The following RALGPS1 variants were observed in gnomAD, a reference collection of about 807,000 sequenced individuals.
The protein encoded by RALGPS1 is ras-specific guanine nucleotide-releasing factor RalGPS1.
In RALGPS1, 19 loss-of-function variants were observed where a neutral mutation model predicts 78.8. The ratio of observed to expected loss-of-function variants is 0.24; its 90% confidence interval spans 0.17 to 0.35. RALGPS1 has a LOEUF of 0.35. RALGPS1 is among the 10% of genes least tolerant of loss of function. RALGPS1 has a pLI of 1.00. For missense variants in RALGPS1, 454 were observed against 688.3 expected (o/e 0.66, Z 3.81); for synonymous variants, 228 against 256.3 (o/e 0.89, Z 1.06).
chr9:127,121,940 C>T (rs2056140621), intron 8 of RALGPS1, among the ~76,000 whole-genome samples: 1 of 152,236 alleles, frequency 6.6e-6, no homozygotes, highest in South Asian at 2.1e-4. Flanking sequence ...TGGGCCACCC[C>T]TGCCTTCTGC....
intron 8 of RALGPS1, among the ~76,000 whole-genome samples, chr9:127,127,895 C>CT (rs775920048): frequency 6.6e-6 from 1 of 151,816 alleles, no homozygotes; most frequent in African/African-American, 2.4e-5. Context: ...TGTTATTATA[C>CT]TTTAAGTTCT....
chr9:127,027,196 T>C (rs1362440401), intron 4 of RALGPS1, among the ~76,000 whole-genome samples: 1 of 152,232 alleles, frequency 6.6e-6, no homozygotes, highest in African/African-American at 2.4e-5. Context: ...AGGGTAGTAG[T>C]GCCCTCCACT....
At chr9:126,970,315 A>G (rs2039980953) in intron 3 of RALGPS1, among the ~76,000 whole-genome samples, 2 of 152,252 alleles carry the variant, frequency 1.3e-5, no homozygotes, top group African/African-American at 4.8e-5. Context: ...AGGAGAAAGC[A>G]GAATAAGCAC....
At chr9:126,975,737 T>A (rs1177822394) in intron 3 of RALGPS1, among the ~76,000 whole-genome samples, 1 of 152,196 alleles carries the variant, frequency 6.6e-6, no homozygotes, top group African/African-American at 2.4e-5. Flanking sequence ...CAGGGCTTAC[T>A]GGCCACTCAA....
intron 11 of RALGPS1, among the ~76,000 whole-genome samples, chr9:127,181,517 G>A (rs889402569): frequency 1.3e-5 from 2 of 152,234 alleles, no homozygotes; most frequent in African/African-American, 2.4e-5. Context: ...TATAGTGCAA[G>A]TAGGCATTAC....
intron 4 of RALGPS1, among the ~76,000 whole-genome samples, 169 bp from the exon 5 acceptor site, chr9:127,034,262 G>T (rs1461213559): frequency 6.6e-6 from 1 of 152,150 alleles, no homozygotes; most frequent in Non-Finnish European, 1.5e-5. Context: ...GTCCCAGGCT[G>T]CACTGTCACC....
At chr9:127,159,941 TG>T (rs1451223544) in intron 8 of RALGPS1, among the ~76,000 whole-genome samples, 1 of 151,786 alleles carries the variant, frequency 6.6e-6, no homozygotes, top group African/African-American at 2.4e-5. Flanking sequence ...AGAGAGAAAA[TG>T]GAAAGTATAA....
At chr9:127,187,334 T>C (rs1040139342) in intron 11 of RALGPS1, among the ~76,000 whole-genome samples, 2 of 152,174 alleles carry the variant, frequency 1.3e-5, no homozygotes, top group African/African-American at 4.8e-5. Context: ...TCCTTCCTCA[T>C]GTTCTGACCA....
At chr9:127,081,608 T>C (rs901333203) in intron 8 of RALGPS1, among the ~76,000 whole-genome samples, 1 of 152,208 alleles carries the variant, frequency 6.6e-6, no homozygotes, top group African/African-American at 2.4e-5. Context: ...GAATTCTAAT[T>C]CCACTCCCTC....
rs1176384369 is a variant in RALGPS1 at position 127,122,804 on chromosome 9, C to T, written c.611-43265C>T. On this transcript the variant is annotated intron_variant, in intron 8 of 18. Transcript: ENST00000259351. This position sits in a 1 kb window ranked among gnomAD's most constrained non-coding sequence, Gnocchi z 6.4. ...TCAGCCCCAGACAGAGGCGGGCCGC[C>T]CGGTGATGTCACACGAGCTCCGGCC... The T allele has an allele frequency of 1.3e-5, 2 of 152,376 alleles. No homozygotes were observed. Among genetic ancestry groups the T allele is most frequent in the Non-Finnish European group, 2.9e-5 (2 of 68,162 alleles). 9.4% of individuals were successfully genotyped at this position (152,376 alleles called of 1,614,324 possible).
At chr9:127,162,511 G>A (rs1413353638) in intron 8 of RALGPS1, among the ~76,000 whole-genome samples, 1 of 152,214 alleles carries the variant, frequency 6.6e-6, no homozygotes, top group Non-Finnish European at 1.5e-5. Context: ...GGAGTGAAAG[G>A]CTGTTTATAG....
Position 127,212,792 on chromosome 9 carries a change from A to G in RALGPS1, c.1446+73A>G. 1 of 1,524,930 alleles carries G rather than the reference A, an allele frequency of 6.6e-7. No homozygotes were observed. The highest frequency in any genetic ancestry group is 9.0e-7 in the Non-Finnish European group (1 of 1,110,844). 94.5% of individuals were successfully genotyped at this position (1,524,930 alleles called of 1,614,324 possible). On this transcript the variant is annotated intron_variant, in intron 16 of 18. Coordinates refer to ENST00000259351, the MANE Select transcript of RALGPS1 (RefSeq NM_014636.3). This position sits in a 1 kb window ranked among gnomAD's most constrained non-coding sequence, Gnocchi z 6.0. ...AAGGGACCTCTGTGAACTGTGGAGG[A>G]TGGGGGTGGGAAAGGGATCTGTGTG... is the stretch of plus-strand genomic sequence containing the variant.
At chr9:127,139,449 CCAGA>C (rs770570300) in intron 8 of RALGPS1, among the ~76,000 whole-genome samples, 15 of 152,228 alleles carry the variant, frequency 9.9e-5, no homozygotes, top group Non-Finnish European at 8.8e-5. Flanking sequence ...GCTGAGATGC[CCAGA>C]CAAACAGGAC....
intron 4 of RALGPS1, among the ~76,000 whole-genome samples, chr9:126,982,843 T>C (rs1371243125): frequency 8.2e-6 from 1 of 122,062 alleles, no homozygotes; most frequent in Non-Finnish European, 1.9e-5. Context: ...TCTTCTTCCT[T>C]CTTTCTTCCT....
intron 8 of RALGPS1, among the ~76,000 whole-genome samples, chr9:127,130,307 G>A (rs1351782584): frequency 1.3e-5 from 2 of 152,202 alleles, no homozygotes; most frequent in African/African-American, 4.8e-5. Context: ...GTGCAATATT[G>A]GAGACATAGC....
At chr9:127,043,216 T>A in intron 5 of RALGPS1, among the ~76,000 whole-genome samples, 1 of 152,196 alleles carries the variant, frequency 6.6e-6, no homozygotes, top group East Asian at 1.9e-4. Context: ...ATTTCAGCAC[T>A]TACTGTAAAG....
chr9:127,162,765 C>A (rs932211871), intron 8 of RALGPS1, among the ~76,000 whole-genome samples: 1 of 152,162 alleles, frequency 6.6e-6, no homozygotes, highest in African/African-American at 2.4e-5. Flanking sequence ...CAAGAGGAGG[C>A]CCAGTGTCCG....
At position 126,927,863 on chromosome 9, in the gene RALGPS1, A is replaced by G. The variant is rs2035444297; in HGVS notation, c.-66+12888A>G. Among the ~76,000 whole-genome samples, 3 of 152,242 alleles carry G rather than the reference A, an allele frequency of 2.0e-5. 1 individual carries two copies. The highest frequency in any genetic ancestry group is 4.1e-4 in the South Asian group (2 of 4,832). On this transcript the variant is annotated intron_variant, in intron 1 of 18. Transcript: ENST00000259351. The stretch of plus-strand genomic sequence containing the variant: ...TTGAGTCTGAGAAGATGATTAAAAC[A>G]TTCAGATTAGACTAACGCGATGCGT...
In RALGPS1 at chr9:126,950,461, C is replaced by T. The variant is rs575635807; in HGVS notation, c.-65-11764C>T. Among the ~76,000 whole-genome samples the T allele has an allele frequency of 7.1e-4, 108 of 152,276 alleles. 2 individuals carry two copies. The highest frequency in any genetic ancestry group is 2.5e-3 in the African/African-American group (105 of 41,558). On this transcript the variant is annotated intron_variant, in intron 1 of 18. Transcript: ENST00000259351. Reference sequence around the variant, plus strand: ...CTACCCATGAGCATGGAATGTTCTTCCATTTGTTTGTATCCTCTTTTATTT... The same window carrying T: ...CTACCCATGAGCATGGAATGTTCTTTCATTTGTTTGTATCCTCTTTTATTT...
Sources: allele counts gnomAD v4.1 joint callset (sites outside exome capture counted in the v4.1 genomes callset), GRCh38; gene constraint gnomAD v4.1.1; non-coding constraint Gnocchi (gnomAD v3.1); transcripts MANE v1.5; gene names NCBI Gene and HGNC (gene_info 2026-07-23, HGNC 2026-07-21).